Variants in PIGU observed in about 807,000 individuals in gnomAD.
PIGU encodes the protein GPI-anchor transamidase component PIGU.
Under a neutral mutation model 49.9 loss-of-function variants are expected in PIGU, and 24 were observed. The observed-to-expected ratio is 0.48, with a 90% CI of 0.35 to 0.68. PIGU has a LOEUF of 0.68. Among genes scored for constraint, PIGU ranks in the 30% least tolerant of loss-of-function variants. The pLI is 0.01. For synonymous variants in PIGU, 220 were observed against 205.7 expected (o/e 1.07, Z -0.59); for missense variants, 490 against 532.6 (o/e 0.92, Z 0.79).
chr20:34,668,867 CTTTTTTTTTTTTTTT>C (rs374136983), intron 1 of PIGU, among the ~76,000 whole-genome samples: 2 of 44,688 alleles, frequency 4.5e-5, no homozygotes, highest in Non-Finnish European at 7.9e-5. Flanking sequence ...AATGGTAAAA[CTTTTTTTTTTTTTTT>C]TTTTTTTTTT....
intron 7 of PIGU, among the ~76,000 whole-genome samples, chr20:34,600,894 C>A (rs879628302): frequency 6.6e-6 from 1 of 152,036 alleles, no homozygotes; most frequent in Non-Finnish European, 1.5e-5. Context: ...ATTAGCCAGA[C>A]GTGGTGGCAC....
At chr20:34,610,081 T>C (rs1984757510) in intron 7 of PIGU, among the ~76,000 whole-genome samples, 1 of 152,086 alleles carries the variant, frequency 6.6e-6, no homozygotes, top group Admixed American at 6.6e-5. Context: ...CTTTGTAAAT[T>C]ACCAAGTCTC....
At chr20:34,622,374 G>T (rs1049323544) in intron 6 of PIGU, among the ~76,000 whole-genome samples, 1 of 151,886 alleles carries the variant, frequency 6.6e-6, no homozygotes, top group Non-Finnish European at 1.5e-5. Context: ...AAAATTAGCC[G>T]GATGTGGTGG....
At chr20:34,647,846 A>C (rs908833033) in intron 2 of PIGU, among the ~76,000 whole-genome samples, 2 of 152,168 alleles carry the variant, frequency 1.3e-5, no homozygotes, top group Non-Finnish European at 2.9e-5. Flanking sequence ...TGGTTGCATC[A>C]TTCTATATAT....
At chr20:34,611,142 G>C (rs1984797033) in intron 7 of PIGU, among the ~76,000 whole-genome samples, 2 of 152,120 alleles carry the variant, frequency 1.3e-5, no homozygotes, top group Admixed American at 1.3e-4. Context: ...ACATAGGCAT[G>C]GGCAAAGACT....
intron 11 of PIGU, among the ~76,000 whole-genome samples, chr20:34,573,996 G>C (rs1261189956): frequency 6.6e-6 from 1 of 152,266 alleles, no homozygotes; most frequent in South Asian, 2.1e-4. Flanking sequence ...TTGGAGGCAA[G>C]AATTACCCTG....
intron 3 of PIGU, among the ~76,000 whole-genome samples, chr20:34,644,776 GGC>G (rs1986279996): frequency 6.6e-6 from 1 of 151,972 alleles, no homozygotes; most frequent in African/African-American, 2.4e-5. Context: ...AGAATCTCTT[GGC>G]AAAATGCTTA....
intron 7 of PIGU, among the ~76,000 whole-genome samples, chr20:34,600,224 T>C (rs1354653929): frequency 6.6e-6 from 1 of 152,004 alleles, no homozygotes; most frequent in Non-Finnish European, 1.5e-5. Flanking sequence ...CTAGCCAACA[T>C]GGCGAAACCC....
intron 6 of PIGU, among the ~76,000 whole-genome samples, chr20:34,632,558 G>A (rs1339089759): frequency 6.6e-6 from 1 of 151,702 alleles, no homozygotes; most frequent in East Asian, 1.9e-4. Context: ...GTAGAGATGG[G>A]GTTTCACCAT....
At chr20:34,613,433 C>T (rs926659799) in intron 7 of PIGU, among the ~76,000 whole-genome samples, 1 of 152,114 alleles carries the variant, frequency 6.6e-6, no homozygotes, top group Admixed American at 6.6e-5. Flanking sequence ...GAGGAAATTT[C>T]CTTTAGTTTT....
At chr20:34,561,596 G>T (rs1271106582) in intron 11 of PIGU, among the ~76,000 whole-genome samples, 2 of 152,016 alleles carry the variant, frequency 1.3e-5, no homozygotes, top group African/African-American at 4.8e-5. Flanking sequence ...CATTCTCCCT[G>T]GCAGCCAGAG....
chr20:34,657,931 TCCCTCTCCCTCTCCCTCA>T (rs1986754734), intron 1 of PIGU, among the ~76,000 whole-genome samples: 1 of 149,046 alleles, frequency 6.7e-6, no homozygotes, highest in Admixed American at 6.6e-5. Context: ...AAATAACCTC[TCCCTCTCCCTCTCCCTCA>T]CCCTCTCCCT....
At chr20:34,653,963 T>C (rs1986624509) in intron 2 of PIGU, among the ~76,000 whole-genome samples, 1 of 151,652 alleles carries the variant, frequency 6.6e-6, no homozygotes, top group Non-Finnish European at 1.5e-5. Context: ...GTTCACGCCA[T>C]TCTCCTGCCT....
chr20:34,597,704 C>A (rs1203795677), intron 7 of PIGU, among the ~76,000 whole-genome samples: 7 of 152,068 alleles, frequency 4.6e-5, no homozygotes, highest in Admixed American at 3.9e-4. Context: ...ATAAGACTGA[C>A]TGATGGATAG....
chr20:34,615,690 C>T (rs1227289015), intron 7 of PIGU, among the ~76,000 whole-genome samples: 1 of 152,126 alleles, frequency 6.6e-6, no homozygotes, highest in Non-Finnish European at 1.5e-5. Flanking sequence ...AGACATGAAT[C>T]ACCCCTTTGT....
intron 9 of PIGU, among the ~76,000 whole-genome samples, chr20:34,584,504 CTTTTTT>C (rs5841174): frequency 1.5e-5 from 1 of 66,406 alleles, no homozygotes; most frequent in Non-Finnish European, 2.9e-5. Context: ...AACTCCTGTT[CTTTTTT>C]TTTTTTTTTT....
chr20:34,567,422 T>C (rs543806728), intron 11 of PIGU, among the ~76,000 whole-genome samples: 1 of 152,288 alleles, frequency 6.6e-6, no homozygotes, highest in South Asian at 2.1e-4. Context: ...AACTGTCCCT[T>C]ACATGGCACT....
intron 6 of PIGU, 133 bp from the exon 7 acceptor site, chr20:34,616,272 G>A (rs1019329271): frequency 3.2e-6 from 3 of 950,118 alleles, no homozygotes; most frequent in African/African-American, 1.7e-5. Context: ...GGTACACAAG[G>A]TGCTATGCAA....
intron 7 of PIGU, among the ~76,000 whole-genome samples, chr20:34,603,886 A>ACACACACACACACACACC (rs1472203417): frequency 2.0e-5 from 3 of 151,940 alleles, no homozygotes; most frequent in African/African-American, 7.3e-5. Flanking sequence ...ACACACACAC[A>ACACACACACACACACACC]CACCACACCC....
Sources: allele counts gnomAD v4.1 joint callset (sites outside exome capture counted in the v4.1 genomes callset), GRCh38; gene constraint gnomAD v4.1.1; transcripts MANE v1.5; gene names NCBI Gene and HGNC (gene_info 2026-07-23, HGNC 2026-07-21).